Variants in NOTCH2NLC observed in about 807,000 individuals in gnomAD.
NOTCH2NLC encodes the protein notch homolog 2 N-terminal-like protein C.
A neutral mutation model predicts 17.7 loss-of-function variants in NOTCH2NLC; 4 were observed. The ratio of observed to expected loss-of-function variants is 0.23; its 90% CI spans 0.11 to 0.52. NOTCH2NLC has a LOEUF of 0.52. Ranked by LOEUF, NOTCH2NLC falls within the 20% of genes least tolerant of loss-of-function variation. The probability of loss-of-function intolerance (pLI) is 0.96; values close to 1 mark genes in which losing one functional copy is unlikely to be tolerated. For missense variants in NOTCH2NLC, 57 were observed against 207.2 expected, an observed-to-expected ratio of 0.28 and a Z score of 4.45; for synonymous variants, 18 against 86.0, an observed-to-expected ratio of 0.21 and a Z score of 4.38.
At chr1:149,427,083 A>T (rs1197580278) in intron 1 of NOTCH2NLC, among the ~76,000 whole-genome samples, 17 of 151,466 alleles carry the variant, frequency 1.1e-4, no homozygotes, top group African/African-American at 4.1e-4. Context: ...TTGCTAATAC[A>T]ATGTAGAACA....
At chr1:149,424,858 T>C (rs1453564413) in intron 1 of NOTCH2NLC, among the ~76,000 whole-genome samples, 1 of 150,986 alleles carries the variant, frequency 6.6e-6, no homozygotes, top group Non-Finnish European at 1.5e-5. Context: ...AAGAGAGATG[T>C]CAGTCTCTTT....
At chr1:149,435,795 T>A (rs1339731405) in intron 2 of NOTCH2NLC, among the ~76,000 whole-genome samples, 1 of 137,980 alleles carries the variant, frequency 7.2e-6, no homozygotes, top group Non-Finnish European at 1.6e-5. Flanking sequence ...CTAGCTGCTG[T>A]GACAGCTCCA....
At position 149,390,670 on chromosome 1, in the gene NOTCH2NLC, G is replaced by T; in HGVS notation, c.-118G>T. On this transcript the variant is annotated 5_prime_UTR_variant, in exon 1 of 5. Transcript: ENST00000650865. ...CGGCGGCCGAGGAGCGGCGGACTCG[G>T]GGCGCGGGGAGTCGAGGCATTTGCG... 8.2e-7 allele frequency: 1 copy of T among 1,224,210 alleles called. No homozygotes were observed. Among genetic ancestry groups the T allele is most frequent in the Middle Eastern group, 3.2e-4 (1 of 3,078 alleles). 75.8% of individuals were successfully genotyped at this position (1,224,210 alleles called of 1,614,324 possible).
chr1:149,424,775 G>A (rs2084403456), intron 1 of NOTCH2NLC, among the ~76,000 whole-genome samples: 5 of 151,180 alleles, frequency 3.3e-5, no homozygotes, highest in Admixed American at 2.6e-4. Flanking sequence ...TGCTTCTGGT[G>A]AGGGCCCAAA....
intron 1 of NOTCH2NLC, among the ~76,000 whole-genome samples, chr1:149,423,726 C>A (rs1187091052): frequency 6.7e-6 from 1 of 148,164 alleles, no homozygotes; most frequent in Non-Finnish European, 1.5e-5. Flanking sequence ...ATTTTAGGAG[C>A]CTCAGACAGT....
chr1:149,436,758 A>C (rs1315694381), intron 2 of NOTCH2NLC, among the ~76,000 whole-genome samples: 1 of 149,320 alleles, frequency 6.7e-6, no homozygotes. Context: ...TCCTTCAAGT[A>C]CGGTGCCTAT....
rs1224339764 is a variant in NOTCH2NLC at position 149,426,576 on chromosome 1, CT to C, written c.136-4343del. ...ATTGAAATCTACTACTTCTTTTTGCCTTTTTTTTTTTTTTTTTTTTTTTGGT... is the reference window on the plus strand; with the variant it reads ...ATTGAAATCTACTACTTCTTTTTGCCTTTTTTTTTTTTTTTTTTTTTTGGT... On this transcript the variant is annotated intron_variant, in intron 1 of 4. Transcript: ENST00000650865. Among the ~76,000 whole-genome samples the C allele has an allele frequency of 4.4e-3, 455 of 104,378 alleles. 1 individual carries two copies. The highest frequency in any genetic ancestry group is 0.012 in the African/African-American group (340 of 28,266). The allele number at this position is 104,378 out of a possible 152,430, so 68.5% of individuals were successfully genotyped here.
In NOTCH2NLC at chr1:149,431,095, C is replaced by T. The variant is rs1172262071; in HGVS notation, c.209+80C>T. ...TGATTCTACTCCTCTATTTTTAATG[C>T]TTCTGTGGAATGTTACTGGTTCTTG... On this transcript the variant is annotated intron_variant, in intron 2 of 4. Coordinates refer to ENST00000650865, the MANE Select transcript of NOTCH2NLC (RefSeq NM_001364013.2). 1.1e-4 allele frequency: 18 copies of T among 165,890 alleles called. 1 individual carries two copies. The East Asian group carries it at 2.4e-3, about 22-fold the overall frequency. 10.3% of individuals were successfully genotyped at this position (165,890 alleles called of 1,614,324 possible). A position where few individuals can be genotyped will look rare whatever the true frequency, so the allele number is the denominator to read the frequency against.
intron 1 of NOTCH2NLC, among the ~76,000 whole-genome samples, chr1:149,405,057 T>TGTAA (rs2084260645): frequency 1.3e-5 from 2 of 150,562 alleles, no homozygotes; most frequent in Non-Finnish European, 1.5e-5. Flanking sequence ...TATAATTATG[T>TGTAA]GTAAGCACAC....
At chr1:149,455,937 CA>C (rs1304235187) in intron 3 of NOTCH2NLC, among the ~76,000 whole-genome samples, 1 of 141,234 alleles carries the variant, frequency 7.1e-6, no homozygotes, top group African/African-American at 2.6e-5. Flanking sequence ...CCCATCTCTA[CA>C]AAAAAACAAG....
At chr1:149,441,079 A>T (rs2084516705) in intron 2 of NOTCH2NLC, among the ~76,000 whole-genome samples, 2 of 149,438 alleles carry the variant, frequency 1.3e-5, no homozygotes, top group South Asian at 4.2e-4. Flanking sequence ...TTGCGAGGAA[A>T]ATCAGAATCT....
chr1:149,392,781 T>C (rs2084178205), intron 1 of NOTCH2NLC, among the ~76,000 whole-genome samples: 1 of 151,118 alleles, frequency 6.6e-6, no homozygotes, highest in Non-Finnish European at 1.5e-5. Context: ...ATTTGAAAAA[T>C]TAAGTATTGG....
rs1468470878 is a variant in NOTCH2NLC, at chr1:149,390,644, G to T, written c.-144G>T. The stretch of plus-strand genomic sequence containing the variant: ...AGCCAAACTTCGGGCGGCGGCTGAG[G>T]CGGCGGCCGAGGAGCGGCGGACTCG... On this transcript the variant is annotated 5_prime_UTR_variant, in exon 1 of 5. Coordinates refer to ENST00000650865, the MANE Select transcript of NOTCH2NLC (RefSeq NM_001364013.2). 8.4e-7 allele frequency: 1 copy of T among 1,188,824 alleles called. No homozygotes were observed. The highest frequency in any genetic ancestry group is 1.1e-6 in the Non-Finnish European group (1 of 948,766). The allele number at this position is 1,188,824 out of a possible 1,614,324, so 73.6% of individuals were successfully genotyped here.
At position 149,394,417 on chromosome 1, in the gene NOTCH2NLC, C is replaced by T. The variant is rs1427488898; in HGVS notation, c.135+3495C>T. ...GACTCAAGAATTTTAAAATTGCTGA[C>T]GTAAGAGATATAGAATATAATGTCA... is the stretch of plus-strand genomic sequence containing the variant. On this transcript the variant is annotated intron_variant, in intron 1 of 4. Coordinates refer to ENST00000650865, the MANE Select transcript of NOTCH2NLC (RefSeq NM_001364013.2). 1.5e-4 allele frequency among the ~76,000 whole-genome samples: 22 copies of T among 151,242 alleles called. No individual in the cohort carries two copies. The East Asian group carries it at 2.7e-3, about 19-fold the overall frequency.
At chr1:149,395,437 G>C (rs1271214171) in intron 1 of NOTCH2NLC, among the ~76,000 whole-genome samples, 6 of 139,598 alleles carry the variant, frequency 4.3e-5, no homozygotes, top group Non-Finnish European at 7.9e-5. Context: ...TTGTAATTTT[G>C]AATTTCTTTG....
intron 2 of NOTCH2NLC, among the ~76,000 whole-genome samples, chr1:149,447,211 G>GCAGGA (rs2084559614): frequency 6.7e-6 from 1 of 150,258 alleles, no homozygotes; most frequent in Non-Finnish European, 1.5e-5. Context: ...AGGAAACAAG[G>GCAGGA]GTCTGTTATT....
chr1:149,392,977 G>T (rs2084183524), intron 1 of NOTCH2NLC, among the ~76,000 whole-genome samples: 2 of 148,358 alleles, frequency 1.3e-5, no homozygotes, highest in Admixed American at 1.3e-4. Flanking sequence ...AGGCTAAGGC[G>T]GAGAATGGCG....
chr1:149,436,760 G>T (rs1361143961), intron 2 of NOTCH2NLC, among the ~76,000 whole-genome samples: 1 of 148,864 alleles, frequency 6.7e-6, no homozygotes, highest in African/African-American at 2.5e-5. Flanking sequence ...CTTCAAGTAC[G>T]GTGCCTATTT....
intron 1 of NOTCH2NLC, among the ~76,000 whole-genome samples, chr1:149,393,670 C>A (rs2084188360): frequency 6.9e-6 from 1 of 144,118 alleles, no homozygotes; most frequent in Non-Finnish European, 1.5e-5. Context: ...TTCTCTTAAA[C>A]AAAATCGGAG....
Sources: gnomAD v4.1 joint callset for allele counts (sites outside exome capture counted in the v4.1 genomes callset) on GRCh38, gnomAD v4.1.1 for gene constraint, MANE v1.5 for transcripts, NCBI Gene and HGNC (gene_info 2026-07-23, HGNC 2026-07-21) for gene names.